The following ATP11C variants were observed in gnomAD, a reference collection of about 807,000 sequenced individuals.
ATP11C encodes phospholipid-transporting ATPase IG.
Under a neutral mutation model 97.4 loss-of-function variants are expected in ATP11C, and 36 were observed. The observed-to-expected ratio is 0.37, with a 90% CI of 0.28 to 0.49. The LOEUF is 0.49. ATP11C is among the 20% of genes least tolerant of loss of function. The pLI is 0.98. For synonymous variants in ATP11C, 275 were observed against 290.9 expected, an observed-to-expected ratio of 0.95 and a Z score of 0.56; for missense variants, 730 against 824.6, an observed-to-expected ratio of 0.89 and a Z score of 1.40.
intron 18 of ATP11C, among the ~76,000 whole-genome samples, chrX:139,781,571 G>A (rs956716978): frequency 5.4e-5 from 6 of 111,535 alleles, no homozygotes; most frequent in Non-Finnish European, 9.4e-5. Flanking sequence ...AAATTAGCTG[G>A]GTGTGGTGGC....
At chrX:139,759,186 G>C in intron 22 of ATP11C, among the ~76,000 whole-genome samples, 1 of 111,722 alleles carries the variant, frequency 9.0e-6, no homozygotes, top group South Asian at 3.8e-4. Context: ...ATTGAGAAGG[G>C]AGAGCAGGTA....
Position 139,731,713 on chromosome X carries a change from T to C in ATP11C, c.3331A>G (p.Arg1111Gly). 1.7e-6 allele frequency: 2 copies of C among 1,197,309 alleles called. No homozygotes were observed. The highest frequency in any genetic ancestry group is 2.3e-6 in the Non-Finnish European group (2 of 885,977). Residue 1111 changes from arginine (R) to glycine (G), a missense_variant, in exon 29 of 30, where the codon AGA (arginine) becomes GGA (glycine). Transcript: ENST00000682941. ...AAAAGAAGAGGTCTGACTGAAGGTCTGGCGGATAATGAGTCAGATGCCCTT... is the reference window on the plus strand; with the variant it reads ...AAAAGAAGAGGTCTGACTGAAGGTCCGGCGGATAATGAGTCAGATGCCCTT... ...CRRASDSLSA[R>G]PSVRPLLLRT...
At chrX:139,827,990 G>A (rs781462934) in intron 1 of ATP11C, among the ~76,000 whole-genome samples, 10 of 111,577 alleles carry the variant, frequency 9.0e-5, no homozygotes, top group Non-Finnish European at 1.9e-5. Context: ...TTTGCCTTGC[G>A]TTTTCATTTA....
At chrX:139,929,496 G>A (rs1321860923) in intron 1 of ATP11C, among the ~76,000 whole-genome samples, 1 of 111,715 alleles carries the variant, frequency 9.0e-6, no homozygotes, top group Non-Finnish European at 1.9e-5. Flanking sequence ...ATGCTTGTAA[G>A]AATCCTAAGG....
chrX:139,806,593 A>G (rs1051085595), intron 5 of ATP11C, among the ~76,000 whole-genome samples: 1 of 111,187 alleles, frequency 9.0e-6, no homozygotes, highest in Non-Finnish European at 1.9e-5. Context: ...CAATTCCTAA[A>G]GACTGGGTGT....
At chrX:139,922,402 A>G (rs1310000027) in intron 1 of ATP11C, among the ~76,000 whole-genome samples, 1 of 106,317 alleles carries the variant, frequency 9.4e-6, no homozygotes, top group East Asian at 2.9e-4. Context: ...CTTTTTTAAA[A>G]TCAAAATTAC....
In ATP11C at chrX:139,932,135, GC is replaced by G; in HGVS notation, c.-94del. The G allele has an allele frequency of 1.1e-6, 1 of 893,818 alleles. No individual in the cohort carries two copies. The allele number at this position is 893,818 out of a possible 1,213,427, so 73.7% of individuals were successfully genotyped here. On this transcript the variant is annotated 5_prime_UTR_variant, in exon 1 of 30. Transcript: ENST00000682941. ...ACACACTGCGGCGTGGGCCGGCGGC[GC>G]CAAGCGGAGCAGCGAGGCGGGCGGC...
At chrX:139,762,563 T>G (rs1295375113) in intron 21 of ATP11C, among the ~76,000 whole-genome samples, 1 of 111,227 alleles carries the variant, frequency 9.0e-6, no homozygotes, top group African/African-American at 3.3e-5. Flanking sequence ...TTCTATGAGC[T>G]CGAGCAGCTT....
At chrX:139,894,394 A>T (rs1438387664) in intron 1 of ATP11C, among the ~76,000 whole-genome samples, 1 of 112,389 alleles carries the variant, frequency 8.9e-6, no homozygotes, top group Non-Finnish European at 1.9e-5. Context: ...TAAGTGAAGA[A>T]GACAAATACC....
At chrX:139,888,498 T>C (rs756758328) in intron 1 of ATP11C, among the ~76,000 whole-genome samples, 2 of 111,427 alleles carry the variant, frequency 1.8e-5, no homozygotes, top group Non-Finnish European at 3.8e-5. Context: ...TCAAAATCAT[T>C]AGTCATTAGG....
At chrX:139,890,725 G>A (rs1034011721) in intron 1 of ATP11C, among the ~76,000 whole-genome samples, 3 of 112,342 alleles carry the variant, frequency 2.7e-5, no homozygotes, top group Non-Finnish European at 5.6e-5. Context: ...AAGATAACCT[G>A]GACTGAAGTA....
At chrX:139,732,006 C>G (rs2081352374) in intron 28 of ATP11C, among the ~76,000 whole-genome samples, 1 of 111,379 alleles carries the variant, frequency 9.0e-6, no homozygotes, top group Non-Finnish European at 1.9e-5. Flanking sequence ...ATGTAGTAAA[C>G]TTGGGTTTTT....
In ATP11C at chrX:139,742,874, AAAATATAT is replaced by A. The variant is rs1188199139; in HGVS notation, c.3030+677_3030+684del. 2.2e-3 allele frequency among the ~76,000 whole-genome samples: 53 copies of A among 24,180 alleles called. 1 individual carries two copies. Among genetic ancestry groups the A allele is most frequent in the African/African-American group, 7.9e-3 (45 of 5,708 alleles). 21.0% of individuals were successfully genotyped at this position (24,180 alleles called of 115,157 possible). On this transcript the variant is annotated intron_variant, in intron 26 of 29. Coordinates refer to ENST00000682941, the MANE Select transcript of ATP11C (RefSeq NM_001353812.2). ...TATTTATTTTTAAATTAAAAAAAAA[AAAATATAT>A]ATATATATATATATATATATATATA... is the stretch of plus-strand genomic sequence containing the variant.
At chrX:139,909,070 C>T (rs374567188) in intron 1 of ATP11C, among the ~76,000 whole-genome samples, 5 of 112,139 alleles carry the variant, frequency 4.5e-5, no homozygotes, top group African/African-American at 1.6e-4. Context: ...GCACATGGAA[C>T]AATCTGGGGG....
intron 1 of ATP11C, among the ~76,000 whole-genome samples, chrX:139,893,229 G>T (rs2084757032): frequency 9.0e-6 from 1 of 110,712 alleles, no homozygotes; most frequent in Non-Finnish European, 1.9e-5. Context: ...TTGTTTGGTT[G>T]TTTGTTTTTT....
chrX:139,921,118 A>C (rs2085252323), intron 1 of ATP11C, among the ~76,000 whole-genome samples: 1 of 111,605 alleles, frequency 9.0e-6, no homozygotes, highest in African/African-American at 3.3e-5. Context: ...GAGAGATGCT[A>C]ATGACTTAGA....
intron 16 of ATP11C, 142 bp downstream of exon 16, chrX:139,785,084 G>A (rs2082545515): frequency 2.3e-6 from 1 of 427,289 alleles, no homozygotes; most frequent in South Asian, 5.0e-5. Flanking sequence ...ATACATGAAA[G>A]CATATGCAAA....
At chrX:139,934,984 A>G (rs2148210299), upstream of ATP11C, among the ~76,000 whole-genome samples, 1 of 112,213 alleles carries the variant, frequency 8.9e-6, no homozygotes, top group African/African-American at 3.2e-5. Flanking sequence ...CTTTAGTTCT[A>G]GGTATAAGTC....
chrX:139,752,977 G>A, intron 23 of ATP11C, among the ~76,000 whole-genome samples: 1 of 111,672 alleles, frequency 9.0e-6, no homozygotes, highest in East Asian at 2.8e-4. Context: ...AAAGAGACCA[G>A]TCATTCCCAT....
Sources: allele counts gnomAD v4.1 joint callset (sites outside exome capture counted in the v4.1 genomes callset), GRCh38; gene constraint gnomAD v4.1.1; transcripts MANE v1.5; gene names NCBI Gene and HGNC (gene_info 2026-07-23, HGNC 2026-07-21).